Variants in IRAK3 observed in about 807,000 individuals in gnomAD.
IRAK3 encodes interleukin 1 receptor associated kinase 3.
IRAK3 carries 57 observed loss-of-function variants against 56.6 expected under a neutral mutation model. That is an observed-to-expected ratio of 1.01 (90% CI 0.81 to 1.26). The LOEUF is 1.26. Among genes scored for constraint, IRAK3 ranks in the 50% most tolerant of loss-of-function variants. The pLI is 0.00. For synonymous variants in IRAK3, 258 were observed against 255.7 expected (o/e 1.01, Z -0.09); for missense variants, 703 against 719.0 (o/e 0.98, Z 0.25).
In IRAK3 at chr12:66,222,403, G is replaced by A. The variant is rs551352056; in HGVS notation, c.654-4320G>A. Among the ~76,000 whole-genome samples, 120 of 152,046 alleles carry A rather than the reference G, an allele frequency of 7.9e-4. 1 individual carries two copies. Among genetic ancestry groups the A allele is most frequent in the African/African-American group, 2.7e-3 (113 of 41,490 alleles). ...ATTTCTTCATGATTCAGTCTTGGTG[G>A]ATTGTATGTTTCTAGGAATCCATCT... On this transcript the variant is annotated intron_variant, in intron 6 of 11. Transcript: ENST00000261233.
rs1236168874 is a variant in IRAK3, at chr12:66,248,550, C to G, written c.*379C>G. 1 of 166,360 alleles carries G rather than the reference C, an allele frequency of 6.0e-6. No homozygotes were observed. The highest frequency in any genetic ancestry group is 1.7e-4 in the East Asian group (1 of 5,848). 10.3% of individuals were successfully genotyped at this position (166,360 alleles called of 1,614,324 possible). On this transcript the variant is annotated 3_prime_UTR_variant, in exon 12 of 12. Transcript: ENST00000261233. ...CCTCAGAGCCTCCATCTGCCAAGAA[C>G]ATTCAGTTGGATTCCATCGTTTGGT...
At chr12:66,228,715 T>C (rs952119636) in intron 8 of IRAK3, among the ~76,000 whole-genome samples, 1 of 152,232 alleles carries the variant, frequency 6.6e-6, no homozygotes, top group Non-Finnish European at 1.5e-5. Flanking sequence ...ATATGTATTA[T>C]GTAGAAATCA....
In IRAK3 at chr12:66,211,446, G is replaced by A; in HGVS notation, c.437G>A (p.Gly146Glu). The A allele has an allele frequency of 6.3e-7, 1 of 1,588,474 alleles. No individual in the cohort carries two copies. The highest frequency in any genetic ancestry group is 8.6e-7 in the Non-Finnish European group (1 of 1,156,584). The change falls in exon 5 of 12, where the codon GGA becomes GAA. Residue 146 changes from glycine (G) to glutamate (E), a missense_variant and splice_region_variant. Gly to Glu is a moderately conservative substitution (Grantham distance 98). Coordinates refer to ENST00000261233, the MANE Select transcript of IRAK3 (RefSeq NM_007199.3). The part of the protein sequence containing the change: ...NVLIPEHNEK[G>E]ILLKSSISFQ... ...TCTTCCCCCTACTTTCCTTCCTAAG[G>A]AATACTGCTTAAATCTTCCATCAGC...
intron 1 of IRAK3, 130 bp from the exon 2 acceptor site, chr12:66,203,581 A>G: frequency 2.3e-6 from 2 of 869,808 alleles, no homozygotes. Context: ...AATTAGTTCA[A>G]AATAAAAGTT....
At position 66,199,162 on chromosome 12, in the gene IRAK3, T is replaced by C. The variant is rs185842579; in HGVS notation, c.134-4549T>C. 6.6e-4 allele frequency among the ~76,000 whole-genome samples: 100 copies of C among 152,314 alleles called. No individual in the cohort carries two copies. In the East Asian group the frequency reaches 0.017, roughly 26 times the overall value. On this transcript the variant is annotated intron_variant, in intron 1 of 11. Transcript: ENST00000261233. ...GAATGTTCATTTTGAGAGTGGGAAGTGTTTTAAAGATAAGAGGTGTTATAA... is the reference window on the plus strand; with the variant it reads ...GAATGTTCATTTTGAGAGTGGGAAGCGTTTTAAAGATAAGAGGTGTTATAA...
At chr12:66,218,575 C>T (rs1444768280) in intron 6 of IRAK3, among the ~76,000 whole-genome samples, 1 of 152,060 alleles carries the variant, frequency 6.6e-6, no homozygotes, top group African/African-American at 2.4e-5. Flanking sequence ...TTATTCTTAC[C>T]TCTTAATTTT....
At chr12:66,225,932 A>G (rs190330356) in intron 6 of IRAK3, among the ~76,000 whole-genome samples, 1 of 152,358 alleles carries the variant, frequency 6.6e-6, no homozygotes, top group East Asian at 1.9e-4. Context: ...CTGACATAGT[A>G]GTGCTCAATA....
chr12:66,249,255 C>T lies in IRAK3; in HGVS notation c.*1084C>T, dbSNP rs1209070648. ...CTCGGCTCACCGCAAGGTCTGCCTC[C>T]CGGGTTCACGCCATTCTCCTGCCTC... On this transcript the variant is annotated 3_prime_UTR_variant, in exon 12 of 12. Transcript: ENST00000261233. 1.3e-5 allele frequency: 2 copies of T among 152,236 alleles called. No homozygotes were observed. The highest frequency in any genetic ancestry group is 2.4e-5 in the African/African-American group (1 of 41,452). The allele number at this position is 152,236 out of a possible 1,614,324, so 9.4% of individuals were successfully genotyped here.
chr12:66,226,987 A>G, intron 7 of IRAK3, 150 bp downstream of exon 7: 1 of 676,456 alleles, frequency 1.5e-6, no homozygotes, highest in Non-Finnish European at 2.7e-6. Context: ...TACTTCTTGG[A>G]TTAATTTCTT....
rs2053049267 is a variant in IRAK3 at position 66,247,717 on chromosome 12, C to T, written c.1337C>T (p.Thr446Ile). Reference sequence around the variant, plus strand: ...TAGGTTTTAAATACTCTTGAAAGTACTCAAGCCAGCTTGTATTTTGCTGAA... The same window carrying T: ...TAGGTTTTAAATACTCTTGAAAGTATTCAAGCCAGCTTGTATTTTGCTGAA... ...MDEVLNTLESTQASLYFAEDP... is the reference protein window; with the variant it reads ...MDEVLNTLESIQASLYFAEDP... Residue 446 changes from threonine (T) to isoleucine (I), a missense_variant, in exon 12 of 12, where the codon ACT becomes ATT. Coordinates refer to ENST00000261233, the MANE Select transcript of IRAK3 (RefSeq NM_007199.3). 1.2e-6 allele frequency: 2 copies of T among 1,613,242 alleles called. No homozygotes were observed. The highest frequency in any genetic ancestry group is 1.7e-6 in the Non-Finnish European group (2 of 1,179,180).
At chr12:66,228,977 G>A (rs1308997061) in intron 8 of IRAK3, among the ~76,000 whole-genome samples, 1 of 152,202 alleles carries the variant, frequency 6.6e-6, no homozygotes, top group Non-Finnish European at 1.5e-5. Context: ...CTCATAAGTT[G>A]AGAAGCATCT....
At chr12:66,247,539 C>T (rs759489080) in intron 11 of IRAK3, among the ~76,000 whole-genome samples, 156 bp from the exon 12 acceptor site, 50 of 152,130 alleles carry the variant, frequency 3.3e-4, no homozygotes, top group Non-Finnish European at 5.7e-4. Context: ...AAATAAAGGG[C>T]GTTAGCTAAT....
chr12:66,210,424 TGTG>T (rs2052600494), intron 4 of IRAK3, among the ~76,000 whole-genome samples: 1 of 120,296 alleles, frequency 8.3e-6, no homozygotes, highest in Non-Finnish European at 1.8e-5. Flanking sequence ...AGAATGCAAT[TGTG>T]GTCTCTTCAC....
chr12:66,197,857 G>A, intron 1 of IRAK3: 1 of 985,332 alleles, frequency 1.0e-6, no homozygotes, highest in Non-Finnish European at 1.2e-6. Flanking sequence ...CAAGTCACAG[G>A]ACGGGACATC....
At chr12:66,197,043 A>G (rs1440787262) in intron 1 of IRAK3, 4 of 1,527,878 alleles carry the variant, frequency 2.6e-6, no homozygotes, top group Admixed American at 4.1e-5. Flanking sequence ...TGCAACTGAA[A>G]ACAGTCAGTC....
intron 2 of IRAK3, among the ~76,000 whole-genome samples, chr12:66,206,365 G>A (rs544074450): frequency 2.0e-5 from 3 of 152,156 alleles, no homozygotes; most frequent in Admixed American, 1.3e-4. Context: ...GTTAACTGTC[G>A]GTTTTTTGTA....
chr12:66,213,054 A>C (rs373981164), intron 5 of IRAK3, among the ~76,000 whole-genome samples: 1 of 152,190 alleles, frequency 6.6e-6, no homozygotes. Context: ...AAATTAAAAA[A>C]TAAATAAAAA....
intron 2 of IRAK3, among the ~76,000 whole-genome samples, chr12:66,207,864 T>C (rs562218772): frequency 1.3e-5 from 2 of 152,354 alleles, no homozygotes; most frequent in East Asian, 3.9e-4. Context: ...TGTGCTTGTA[T>C]TTCAATATGA....
chr12:66,233,869 C>G (rs2052872895), intron 8 of IRAK3, among the ~76,000 whole-genome samples: 1 of 148,872 alleles, frequency 6.7e-6, no homozygotes, highest in African/African-American at 2.5e-5. Flanking sequence ...GGGGGAACAG[C>G]TACTAGATGA....
Sources: gnomAD v4.1 joint callset for allele counts (sites outside exome capture counted in the v4.1 genomes callset) on GRCh38, gnomAD v4.1.1 for gene constraint, MANE v1.5 for transcripts, NCBI Gene and HGNC (gene_info 2026-07-23, HGNC 2026-07-21) for gene names.